FARP1: variants seen among roughly 807,000 people sequenced by gnomAD.
The protein encoded by FARP1 is FERM, ARHGEF and pleckstrin domain-containing protein 1.
In FARP1, 52 loss-of-function variants were observed where a neutral mutation model predicts 128.8. That is an observed-to-expected ratio of 0.40 (90% CI 0.32 to 0.51). FARP1 has a LOEUF of 0.51. Among genes scored for constraint, FARP1 ranks in the 20% least tolerant of loss-of-function variants. FARP1 has a pLI of 0.45. For synonymous variants in FARP1, 580 were observed against 551.8 expected (o/e 1.05, Z -0.72); for missense variants, 1,333 against 1,367.9 (o/e 0.97, Z 0.40).
intron 2 of FARP1, chr13:98,333,181 A>G (rs1371669090): frequency 6.6e-6 from 1 of 152,122 alleles, no homozygotes; most frequent in East Asian, 1.9e-4. Context: ...TGCCTTGTTC[A>G]GTTTTTGTGT....
chr13:98,244,797 A>G, intron 2 of FARP1: 2 of 1,551,642 alleles, frequency 1.3e-6, no homozygotes, highest in Non-Finnish European at 1.7e-6. Flanking sequence ...ACATTAACAC[A>G]TTTCAGTGCC....
At chr13:98,360,561 G>C (rs1033131880) in intron 3 of FARP1, among the ~76,000 whole-genome samples, 5 of 152,226 alleles carry the variant, frequency 3.3e-5, no homozygotes, top group African/African-American at 1.2e-4. Flanking sequence ...GGCTCTAGGA[G>C]AACCCACAGC....
chr13:98,448,338 C>T lies in FARP1; in HGVS notation c.*21C>T, dbSNP rs369830552. On this transcript the variant is annotated 3_prime_UTR_variant, in exon 27 of 27. Coordinates refer to ENST00000319562, the MANE Select transcript of FARP1 (RefSeq NM_005766.4). ...ATTGATGGCCGGACACACTCGTTTC[C>T]GCAGTGGCTGCTTTCCTGGAAGACG... The T allele has an allele frequency of 5.9e-5, 92 of 1,563,696 alleles. 1 individual carries two copies. Among genetic ancestry groups the T allele is most frequent in the Non-Finnish European group, 7.7e-5 (87 of 1,134,024 alleles).
chr13:98,200,238 A>G (rs761628368), intron 1 of FARP1, among the ~76,000 whole-genome samples: 2 of 152,164 alleles, frequency 1.3e-5, no homozygotes, highest in Non-Finnish European at 2.9e-5. Context: ...TTCTTGGGGA[A>G]GTTACCTAAC....
chr13:98,188,061 G>A (rs1008003827), intron 1 of FARP1, among the ~76,000 whole-genome samples: 6 of 152,190 alleles, frequency 3.9e-5, no homozygotes, highest in Non-Finnish European at 7.3e-5. Context: ...TGGATTGGGT[G>A]CAGTTTGCTC....
intron 2 of FARP1, among the ~76,000 whole-genome samples, chr13:98,342,677 G>A (rs1173197916): frequency 2.0e-5 from 3 of 151,886 alleles, no homozygotes; most frequent in Non-Finnish European, 4.4e-5. Context: ...TCCAGCCTGA[G>A]TGACAAAAGC....
intron 2 of FARP1, among the ~76,000 whole-genome samples, chr13:98,252,450 C>T (rs1395412469): frequency 6.6e-6 from 1 of 152,106 alleles, no homozygotes; most frequent in South Asian, 2.1e-4. Context: ...TAAAACCGAC[C>T]CCAACACAGA....
At chr13:98,409,991 C>T (rs570932214) in intron 14 of FARP1, among the ~76,000 whole-genome samples, 23 of 152,316 alleles carry the variant, frequency 1.5e-4, no homozygotes, top group African/African-American at 5.5e-4. Flanking sequence ...ACTTTGTTAT[C>T]CATTCTTCTG....
At chr13:98,402,726 T>G (rs1383596840) in intron 13 of FARP1, 1 of 152,222 alleles carries the variant, frequency 6.6e-6, no homozygotes, top group East Asian at 1.9e-4. Context: ...TACTCCTGTT[T>G]CTGCCTCCTA....
chr13:98,362,898 A>T (rs1888928570), intron 3 of FARP1, among the ~76,000 whole-genome samples: 1 of 152,186 alleles, frequency 6.6e-6, no homozygotes, highest in Admixed American at 6.5e-5. Flanking sequence ...TGGGCATCGT[A>T]TCCATCAGTG....
chr13:98,367,833 T>TA (rs553693409), intron 4 of FARP1, among the ~76,000 whole-genome samples: 1 of 152,232 alleles, frequency 6.6e-6, no homozygotes, highest in African/African-American at 2.4e-5. Context: ...GACTTTATTT[T>TA]AAAAAACCTA....
chr13:98,439,019 G>A (rs1892411557), intron 20 of FARP1, 88 bp from the exon 21 acceptor site: 1 of 1,390,344 alleles, frequency 7.2e-7, no homozygotes, highest in Non-Finnish European at 1.0e-6. Context: ...GTTGAGGACA[G>A]TGAAGGCACA....
intron 2 of FARP1, among the ~76,000 whole-genome samples, chr13:98,267,281 T>C (rs1057378004): frequency 2.0e-5 from 3 of 152,142 alleles, no homozygotes; most frequent in African/African-American, 7.2e-5. Flanking sequence ...CAGTAACTGC[T>C]TTCACTGCTT....
intron 2 of FARP1, among the ~76,000 whole-genome samples, chr13:98,307,402 C>G (rs181533327): frequency 6.6e-6 from 1 of 152,220 alleles, no homozygotes; most frequent in Non-Finnish European, 1.5e-5. Flanking sequence ...GCGTCCCTTG[C>G]CCCGGTTTCC....
chr13:98,422,494 T>TTGGGGAGCCTGGGGGTGCTCTC (rs1410773107), intron 16 of FARP1, among the ~76,000 whole-genome samples: 9 of 152,168 alleles, frequency 5.9e-5, no homozygotes, highest in Admixed American at 1.3e-4. Context: ...AGGAAGGAGC[T>TTGGGGAGCCTGGGGGTGCTCTC]TGGGGAGCCT....
At chr13:98,157,068 C>A (rs574416803) in intron 1 of FARP1, among the ~76,000 whole-genome samples, 1 of 152,306 alleles carries the variant, frequency 6.6e-6, no homozygotes, top group Admixed American at 6.5e-5. Flanking sequence ...CGTGAAGGAT[C>A]ACCTCACTGC....
At chr13:98,383,031 C>T (rs1455536466) in intron 6 of FARP1, among the ~76,000 whole-genome samples, 2 of 152,154 alleles carry the variant, frequency 1.3e-5, no homozygotes, top group East Asian at 1.9e-4. Flanking sequence ...ACATAAGATA[C>T]GGCCAGTTAA....
At chr13:98,386,120 G>A (rs368271233) in intron 8 of FARP1, 110 of 217,154 alleles carry the variant, frequency 5.1e-4, no homozygotes, top group Middle Eastern at 2.9e-3. Context: ...TAATGGAATC[G>A]AGATTTTAGG....
At chr13:98,156,462 G>A (rs571073965) in intron 1 of FARP1, among the ~76,000 whole-genome samples, 3 of 152,332 alleles carry the variant, frequency 2.0e-5, no homozygotes, top group African/African-American at 4.8e-5. Context: ...AGGCTGGAGT[G>A]CAGTGGCACA....
Sources: gnomAD v4.1 joint callset for allele counts (sites outside exome capture counted in the v4.1 genomes callset) on GRCh38, gnomAD v4.1.1 for gene constraint, MANE v1.5 for transcripts, NCBI Gene and HGNC (gene_info 2026-07-23, HGNC 2026-07-21) for gene names.